Variants in DNER observed in about 807,000 individuals in gnomAD.
DNER encodes delta/notch like EGF repeat containing.
In DNER, 33 loss-of-function variants were observed where a neutral mutation model predicts 78.2. The observed-to-expected ratio is 0.42, with a 90% CI of 0.32 to 0.56. The LOEUF is 0.56. Ranked by LOEUF, DNER falls within the 20% of genes least tolerant of loss-of-function variation. The pLI, the probability that DNER is intolerant of heterozygous loss-of-function variation, is 0.11. For synonymous variants in DNER, 417 were observed against 384.8 expected, an observed-to-expected ratio of 1.08 and a Z score of -0.98; for missense variants, 918 against 975.3, an observed-to-expected ratio of 0.94 and a Z score of 0.78.
intron 8 of DNER, among the ~76,000 whole-genome samples, chr2:229,429,995 G>C (rs1693970421): frequency 1.3e-5 from 2 of 152,152 alleles, no homozygotes; most frequent in Admixed American, 6.5e-5. Context: ...CACACAGGTT[G>C]AGGAATATAG....
chr2:229,445,010 G>A (rs527623704), intron 8 of DNER, among the ~76,000 whole-genome samples: 2 of 152,336 alleles, frequency 1.3e-5, no homozygotes, highest in Non-Finnish European at 1.5e-5. Flanking sequence ...TCAGGAGACA[G>A]GTAATAAAGT....
intron 10 of DNER, among the ~76,000 whole-genome samples, chr2:229,404,343 T>A (rs2106342711): frequency 6.6e-6 from 1 of 152,258 alleles, no homozygotes; most frequent in African/African-American, 2.4e-5. Flanking sequence ...AGAAGGCACC[T>A]CTTCACAGGG....
chr2:229,440,951 T>C (rs1038944069), intron 8 of DNER, among the ~76,000 whole-genome samples: 2 of 152,208 alleles, frequency 1.3e-5, no homozygotes, highest in African/African-American at 4.8e-5. Flanking sequence ...TTGACCATAA[T>C]ATATGCCAAA....
At chr2:229,509,353 T>A (rs938000756) in intron 6 of DNER, among the ~76,000 whole-genome samples, 2 of 152,252 alleles carry the variant, frequency 1.3e-5, no homozygotes, top group African/African-American at 2.4e-5. Context: ...AAAAGATTCA[T>A]CAATAGAGGA....
At chr2:229,575,642 C>T (rs1697284091) in intron 4 of DNER, among the ~76,000 whole-genome samples, 3 of 152,164 alleles carry the variant, frequency 2.0e-5, no homozygotes, top group Admixed American at 6.5e-5. Flanking sequence ...TGCTCCAACA[C>T]CACCGCAGCC....
At chr2:229,396,438 A>G (rs1409455409) in intron 10 of DNER, among the ~76,000 whole-genome samples, 1 of 152,224 alleles carries the variant, frequency 6.6e-6, no homozygotes, top group Non-Finnish European at 1.5e-5. Flanking sequence ...TTTGTTTCAA[A>G]GTGAAGGAAA....
intron 8 of DNER, among the ~76,000 whole-genome samples, chr2:229,436,117 C>T (rs1397551530): frequency 6.6e-6 from 1 of 152,174 alleles, no homozygotes; most frequent in Non-Finnish European, 1.5e-5. Context: ...CCCACTCAAG[C>T]AGGATCCAGC....
At chr2:229,373,639 G>A (rs1040608417) in intron 11 of DNER, among the ~76,000 whole-genome samples, 13 of 152,138 alleles carry the variant, frequency 8.5e-5, no homozygotes, top group South Asian at 2.1e-4. Context: ...GCACTTGCAC[G>A]TTCACTGCAG....
rs201183541 is a variant in DNER at position 229,525,527 on chromosome 2, TA to T, written c.994-12592del. Among the ~76,000 whole-genome samples, 165 of 151,512 alleles carry T rather than the reference TA, an allele frequency of 1.1e-3. 2 individuals are homozygous for T. The highest frequency in any genetic ancestry group is 3.6e-3 in the African/African-American group (149 of 41,350). The stretch of plus-strand genomic sequence containing the variant: ...AATCCTTGATATCATGGAAGTTAAC[TA>T]AAAAAAAAGTTCTTCAGTATTTAAG... On this transcript the variant is annotated intron_variant, in intron 5 of 12. Transcript: ENST00000341772.
At chr2:229,444,098 G>A (rs906163766) in intron 8 of DNER, among the ~76,000 whole-genome samples, 13 of 152,140 alleles carry the variant, frequency 8.5e-5, no homozygotes, top group Admixed American at 5.9e-4. Context: ...AGGCTATTAA[G>A]GGGCTACTGC....
At chr2:229,398,751 A>AT (rs1367648157) in intron 10 of DNER, among the ~76,000 whole-genome samples, 1 of 152,108 alleles carries the variant, frequency 6.6e-6, no homozygotes, top group African/African-American at 2.4e-5. Flanking sequence ...GTTATACACT[A>AT]TGACCAGGTG....
Position 229,358,394 on chromosome 2 carries a change from TA to T in DNER, c.*145del. 1.5e-6 allele frequency: 1 copy of T among 688,312 alleles called. No homozygotes were observed. The highest frequency in any genetic ancestry group is 2.2e-6 in the Non-Finnish European group (1 of 444,684). The allele number at this position is 688,312 out of a possible 1,614,324, so 42.6% of individuals were successfully genotyped here. On this transcript the variant is annotated 3_prime_UTR_variant, in exon 13 of 13. Transcript: ENST00000341772. ...TGTTTTTAAAATATTTTTTCCAAACTAAAAGCTGCAGAAAATTAGTTCTTAA... is the reference window on the plus strand; with the variant it reads ...TGTTTTTAAAATATTTTTTCCAAACTAAAGCTGCAGAAAATTAGTTCTTAA...
chr2:229,564,176 A>G, intron 4 of DNER, among the ~76,000 whole-genome samples: 1 of 148,610 alleles, frequency 6.7e-6, no homozygotes, highest in East Asian at 2.0e-4. Flanking sequence ...CCCCATCAAC[A>G]TCATCATCAG....
At chr2:229,483,383 C>T (rs1204890179) in intron 6 of DNER, among the ~76,000 whole-genome samples, 3 of 152,152 alleles carry the variant, frequency 2.0e-5, no homozygotes, top group South Asian at 2.1e-4. Flanking sequence ...TCTGCCACTT[C>T]GTGTCTGGTT....
chr2:229,588,345 A>G, intron 3 of DNER, 49 bp downstream of exon 3: 1 of 1,575,186 alleles, frequency 6.3e-7, no homozygotes, highest in South Asian at 1.1e-5. Context: ...AACCCCACTT[A>G]TAGGTCATAG....
At chr2:229,475,248 G>A (rs1464232637) in intron 7 of DNER, among the ~76,000 whole-genome samples, 2 of 152,138 alleles carry the variant, frequency 1.3e-5, no homozygotes, top group African/African-American at 2.4e-5. Flanking sequence ...TAGTGGAACT[G>A]GCCTTCAAAC....
At chr2:229,510,564 T>C (rs1253745867) in intron 6 of DNER, among the ~76,000 whole-genome samples, 3 of 151,624 alleles carry the variant, frequency 2.0e-5, no homozygotes, top group Non-Finnish European at 4.4e-5. Context: ...GCATCAGAGG[T>C]GGAAAAAATA....
chr2:229,636,678 T>G (rs1193117054), intron 1 of DNER, among the ~76,000 whole-genome samples: 1 of 152,208 alleles, frequency 6.6e-6, no homozygotes, highest in Non-Finnish European at 1.5e-5. Flanking sequence ...TAACAAGGTA[T>G]GAACTTGTTC....
At chr2:229,537,934 C>T (rs966201520) in intron 5 of DNER, among the ~76,000 whole-genome samples, 6 of 152,010 alleles carry the variant, frequency 3.9e-5, no homozygotes, top group Admixed American at 2.6e-4. Context: ...TCTGTGCAGG[C>T]GATGATACAA....
Sources: gnomAD v4.1 joint callset for allele counts (sites outside exome capture counted in the v4.1 genomes callset) on GRCh38, gnomAD v4.1.1 for gene constraint, MANE v1.5 for transcripts, NCBI Gene and HGNC (gene_info 2026-07-23, HGNC 2026-07-21) for gene names.